HS6ST3: variants seen among roughly 807,000 people sequenced by gnomAD.
HS6ST3 encodes heparan-sulfate 6-O-sulfotransferase 3.
HS6ST3 carries 12 observed loss-of-function variants against 36.7 expected under a neutral mutation model. That is an observed-to-expected ratio of 0.33 (90% CI 0.21 to 0.53). The LOEUF is 0.53. Ranked by LOEUF, HS6ST3 falls within the 20% of genes least tolerant of loss-of-function variation. HS6ST3 has a pLI of 0.95. For missense variants in HS6ST3, 584 were observed against 640.9 expected, an observed-to-expected ratio of 0.91 and a Z score of 0.96; for synonymous variants, 240 against 257.5, an observed-to-expected ratio of 0.93 and a Z score of 0.65.
Position 96,377,374 on chromosome 13 carries a change from T to C in HS6ST3, c.707+285805T>C, listed in dbSNP as rs532834943. Reference sequence around the variant, plus strand: ...TCTCAAACAACAACAACAACAACAATAATAATTAATAATAATAAAAGTAAG... The same window carrying C: ...TCTCAAACAACAACAACAACAACAACAATAATTAATAATAATAAAAGTAAG... On this transcript the variant is annotated intron_variant, in intron 1 of 1. Coordinates refer to ENST00000376705, the MANE Select transcript of HS6ST3 (RefSeq NM_153456.4). Among the ~76,000 whole-genome samples, 22 of 152,020 alleles carry C rather than the reference T, an allele frequency of 1.4e-4. No individual in the cohort carries two copies. The South Asian group carries it at 2.9e-3, about 20-fold the overall frequency.
intron 1 of HS6ST3, among the ~76,000 whole-genome samples, chr13:96,687,746 G>A (rs1874826222): frequency 1.3e-5 from 2 of 151,876 alleles, no homozygotes; most frequent in Admixed American, 1.3e-4. Flanking sequence ...GATTGTTAAG[G>A]ATTGAGACTC....
At chr13:96,321,722 T>C (rs761790919) in intron 1 of HS6ST3, among the ~76,000 whole-genome samples, 1 of 152,178 alleles carries the variant, frequency 6.6e-6, no homozygotes, top group Non-Finnish European at 1.5e-5. Flanking sequence ...TGTCACTTCA[T>C]TGGACTTTCC....
intron 1 of HS6ST3, among the ~76,000 whole-genome samples, chr13:96,503,266 G>T (rs2138914451): frequency 6.6e-6 from 1 of 152,140 alleles, no homozygotes; most frequent in Non-Finnish European, 1.5e-5. Context: ...AACCCTCCTA[G>T]AATGTTCACA....
chr13:96,774,672 T>C (rs1877345465), intron 1 of HS6ST3, among the ~76,000 whole-genome samples: 1 of 151,938 alleles, frequency 6.6e-6, no homozygotes, highest in African/African-American at 2.4e-5. Context: ...CCAAGAAATA[T>C]GGGATTATGT....
At chr13:96,606,645 G>T in intron 1 of HS6ST3, among the ~76,000 whole-genome samples, 1 of 147,480 alleles carries the variant, frequency 6.8e-6, no homozygotes, top group Non-Finnish European at 1.5e-5. Context: ...GAGGGCTGAG[G>T]GACTGCCTAT....
chr13:96,608,659 A>G (rs1220673201), intron 1 of HS6ST3, among the ~76,000 whole-genome samples: 1 of 152,238 alleles, frequency 6.6e-6, no homozygotes, highest in East Asian at 1.9e-4. Context: ...AGGACCCTGT[A>G]GATTAAAAGT....
chr13:96,707,088 A>G (rs1246711533), intron 1 of HS6ST3, among the ~76,000 whole-genome samples: 1 of 152,124 alleles, frequency 6.6e-6, no homozygotes, highest in Non-Finnish European at 1.5e-5. Flanking sequence ...TGGATTGGCT[A>G]TGGGTTGAAT....
chr13:96,524,905 G>C (rs752859158), intron 1 of HS6ST3, among the ~76,000 whole-genome samples: 3 of 152,222 alleles, frequency 2.0e-5, no homozygotes, highest in Admixed American at 6.5e-5. Flanking sequence ...AGGTACCTTA[G>C]ATGGAAATGC....
intron 1 of HS6ST3, among the ~76,000 whole-genome samples, chr13:96,099,391 A>G (rs907329077): frequency 1.2e-4 from 19 of 152,202 alleles, no homozygotes; most frequent in African/African-American, 4.6e-4. Flanking sequence ...GTCAATGTTA[A>G]TTCTTAGGAT....
intron 1 of HS6ST3, among the ~76,000 whole-genome samples, chr13:96,533,584 C>G (rs537402965): frequency 6.6e-6 from 1 of 152,188 alleles, no homozygotes; most frequent in African/African-American, 2.4e-5. Context: ...AAGACATCAA[C>G]GGGGGCAGAT....
At chr13:96,482,114 A>G (rs1037782177) in intron 1 of HS6ST3, among the ~76,000 whole-genome samples, 13 of 152,190 alleles carry the variant, frequency 8.5e-5, no homozygotes, top group Admixed American at 2.0e-4. Context: ...ATCCTCAGGT[A>G]TGTTATTCAC....
chr13:96,404,220 T>A (rs4142189), intron 1 of HS6ST3, among the ~76,000 whole-genome samples: 3 of 151,836 alleles, frequency 2.0e-5, no homozygotes, highest in Non-Finnish European at 4.4e-5. Flanking sequence ...TCACATTTTA[T>A]TTTTGGAGAA....
intron 1 of HS6ST3, among the ~76,000 whole-genome samples, chr13:96,210,828 A>G (rs1490253852): frequency 6.6e-6 from 1 of 151,996 alleles, no homozygotes; most frequent in Non-Finnish European, 1.5e-5. Context: ...TCCTGGGCTC[A>G]AGTGATCCGC....
chr13:96,782,431 G>C (rs1336996340), intron 1 of HS6ST3, among the ~76,000 whole-genome samples: 2 of 152,138 alleles, frequency 1.3e-5, no homozygotes, highest in African/African-American at 4.8e-5. Flanking sequence ...TGGGCTGCTA[G>C]GTGGTCACTT....
rs568811990 is a variant in HS6ST3 at position 96,787,336 on chromosome 13, G to T, written c.708-45154G>T. On this transcript the variant is annotated intron_variant, in intron 1 of 1. Transcript: ENST00000376705. The stretch of plus-strand genomic sequence containing the variant: ...AAATGCCAAAGTATTTTTCAGAGTG[G>T]CAGTTTTTATTCCTATCAGCAATAT... 6.2e-4 allele frequency among the ~76,000 whole-genome samples: 94 copies of T among 152,106 alleles called. 1 individual carries two copies. The highest frequency in any genetic ancestry group is 2.2e-3 in the Admixed American group (33 of 15,270).
intron 1 of HS6ST3, among the ~76,000 whole-genome samples, chr13:96,271,760 C>G (rs2054721529): frequency 6.6e-6 from 1 of 151,992 alleles, no homozygotes; most frequent in Non-Finnish European, 1.5e-5. Context: ...TTCTCAAGAA[C>G]TAGACTTCTG....
At chr13:96,376,919 C>T (rs557803811) in intron 1 of HS6ST3, among the ~76,000 whole-genome samples, 6 of 151,886 alleles carry the variant, frequency 4.0e-5, no homozygotes, top group Non-Finnish European at 7.4e-5. Flanking sequence ...AGTTCAAGAC[C>T]AGTCTGGGCA....
chr13:96,522,181 G>C (rs2056096197), intron 1 of HS6ST3, among the ~76,000 whole-genome samples: 1 of 152,168 alleles, frequency 6.6e-6, no homozygotes, highest in Non-Finnish European at 1.5e-5. Flanking sequence ...TCTTAATCCT[G>C]AGTTCTAATT....
intron 1 of HS6ST3, among the ~76,000 whole-genome samples, chr13:96,422,243 G>A (rs150006324): frequency 4.6e-5 from 7 of 152,320 alleles, no homozygotes; most frequent in African/African-American, 1.4e-4. Context: ...ATTCTGAGTT[G>A]AGTGGGTTCT....
Sources: gnomAD v4.1 joint callset for allele counts (sites outside exome capture counted in the v4.1 genomes callset) on GRCh38, gnomAD v4.1.1 for gene constraint, MANE v1.5 for transcripts, NCBI Gene and HGNC (gene_info 2026-07-23, HGNC 2026-07-21) for gene names.